Variants in NFIB observed in about 807,000 individuals in gnomAD.
NFIB encodes the protein nuclear factor 1 B-type.
NFIB carries 11 observed loss-of-function variants against 61.5 expected under a neutral mutation model. The observed-to-expected ratio is 0.18, with a 90% CI of 0.11 to 0.30. The LOEUF (loss-of-function observed/expected upper bound fraction) is 0.30. Ranked by LOEUF, NFIB falls within the 10% of genes least tolerant of loss-of-function variation. NFIB has a pLI of 1.00. For synonymous variants in NFIB, 260 were observed against 216.5 expected (o/e 1.20, Z -1.76); for missense variants, 471 against 608.9 (o/e 0.77, Z 2.38).
the NFIB span, among the ~76,000 whole-genome samples, chr9:14,472,243 G>A: frequency 6.6e-6 from 1 of 152,184 alleles, no homozygotes; most frequent in Non-Finnish European, 1.5e-5. Context: ...GTTGCTGTGT[G>A]TGCTGAAATA....
At chr9:14,184,726 T>C (rs1431587095) in intron 2 of NFIB, among the ~76,000 whole-genome samples, 2 of 152,106 alleles carry the variant, frequency 1.3e-5, no homozygotes, top group African/African-American at 4.8e-5. Context: ...TAAACATCAT[T>C]TAAATGTAAA....
At chr9:14,348,943 G>T (rs2061070057) in intron 1 of NFIB, among the ~76,000 whole-genome samples, 1 of 151,986 alleles carries the variant, frequency 6.6e-6, no homozygotes, top group Non-Finnish European at 1.5e-5. Flanking sequence ...CTGGGCTCCC[G>T]CCCCCACCTT....
chr9:14,149,853 T>C (rs73411942), intron 5 of NFIB, among the ~76,000 whole-genome samples: 7,645 of 152,210 alleles, frequency 0.05, 655 homozygotes, highest in African/African-American at 0.17. Flanking sequence ...TCAAAAGATT[T>C]TGTTAACTTG....
At chr9:14,430,119 G>A in the NFIB span, among the ~76,000 whole-genome samples, 4 of 152,318 alleles carry the variant, frequency 2.6e-5, no homozygotes, top group African/African-American at 9.6e-5. Context: ...CTATACTGGA[G>A]GGAGCAAGCA....
intron 2 of NFIB, among the ~76,000 whole-genome samples, chr9:14,218,134 G>A (rs556419163): frequency 6.6e-6 from 1 of 152,244 alleles, no homozygotes; most frequent in East Asian, 1.9e-4. Flanking sequence ...TGAGCTGAGA[G>A]CTCCAAGGTG....
intron 2 of NFIB, among the ~76,000 whole-genome samples, chr9:14,255,224 A>C (rs1008483936): frequency 6.6e-6 from 1 of 152,170 alleles, no homozygotes; most frequent in South Asian, 2.1e-4. Context: ...CCCTGACTCA[A>C]AAAAAGAAAG....
At chr9:14,272,098 G>A (rs1163132638) in intron 2 of NFIB, among the ~76,000 whole-genome samples, 2 of 152,032 alleles carry the variant, frequency 1.3e-5, no homozygotes, top group Non-Finnish European at 2.9e-5. Context: ...AGTATATCTC[G>A]TGATCAGTAA....
intron 2 of NFIB, among the ~76,000 whole-genome samples, chr9:14,247,058 A>G (rs2055018615): frequency 6.6e-6 from 1 of 152,084 alleles, no homozygotes; most frequent in Non-Finnish European, 1.5e-5. Flanking sequence ...GCAAACCACG[A>G]AGAGAGCCCT....
chr9:14,370,317 G>A (rs2061345102), intron 1 of NFIB, among the ~76,000 whole-genome samples: 3 of 152,116 alleles, frequency 2.0e-5, no homozygotes, highest in Admixed American at 1.3e-4. Flanking sequence ...ATGGTCTATG[G>A]AGCCATAAGG....
At chr9:14,271,607 G>T (rs540797715) in intron 2 of NFIB, among the ~76,000 whole-genome samples, 2 of 152,244 alleles carry the variant, frequency 1.3e-5, no homozygotes, top group East Asian at 1.9e-4. Flanking sequence ...ACCTTTCAGA[G>T]ACTGGAAATA....
intron 9 of NFIB, among the ~76,000 whole-genome samples, chr9:14,113,558 A>G (rs1419332534): frequency 2.0e-5 from 3 of 152,242 alleles, no homozygotes; most frequent in Non-Finnish European, 4.4e-5. Context: ...TATGGGATGG[A>G]AAATGTCTTT....
the NFIB span, among the ~76,000 whole-genome samples, chr9:14,411,277 C>T: frequency 5.3e-5 from 8 of 152,182 alleles, no homozygotes; most frequent in African/African-American, 1.4e-4. Context: ...CTTTTACTGA[C>T]GTTGAATTTG....
At chr9:14,387,682 T>A (rs530501073) in intron 1 of NFIB, among the ~76,000 whole-genome samples, 1 of 152,142 alleles carries the variant, frequency 6.6e-6, no homozygotes, top group Non-Finnish European at 1.5e-5. Context: ...CAGCAAAAAA[T>A]TTTCCAGTCT....
chr9:14,295,820 C>A (rs2059412183), intron 2 of NFIB, among the ~76,000 whole-genome samples: 1 of 152,124 alleles, frequency 6.6e-6, no homozygotes, highest in African/African-American at 2.4e-5. Context: ...TGATAGGACA[C>A]CCTTTACCCA....
intron 2 of NFIB, among the ~76,000 whole-genome samples, chr9:14,230,084 C>T (rs878858284): frequency 2.0e-5 from 3 of 152,182 alleles, no homozygotes; most frequent in Admixed American, 6.5e-5. Flanking sequence ...AGATTACAGG[C>T]GTGAGCCACT....
chr9:14,163,634 A>C (rs1272606877), intron 3 of NFIB, among the ~76,000 whole-genome samples: 1 of 152,096 alleles, frequency 6.6e-6, no homozygotes, highest in Non-Finnish European at 1.5e-5. Flanking sequence ...CTATTAAAAT[A>C]CAAGAAACTT....
chr9:14,458,451 T>G, the NFIB span, among the ~76,000 whole-genome samples: 3 of 152,174 alleles, frequency 2.0e-5, no homozygotes, highest in Admixed American at 1.3e-4. Flanking sequence ...CTTTGAAAAC[T>G]GGCACAAGAC....
At chr9:14,237,842 A>AGTGTGTGTGTGTGT (rs200054648) in intron 2 of NFIB, among the ~76,000 whole-genome samples, 631 of 52,532 alleles carry the variant, frequency 0.012, 79 homozygotes, top group Middle Eastern at 0.028. Context: ...TAGGTATAAC[A>AGTGTGTGTGTGTGT]GTGTGTGTGT....
At chr9:14,383,766 C>A (rs2061517214) in intron 1 of NFIB, among the ~76,000 whole-genome samples, 1 of 152,226 alleles carries the variant, frequency 6.6e-6, no homozygotes, top group Non-Finnish European at 1.5e-5. Context: ...ATCATCTCTT[C>A]TCTGGCCACC....
Sources: gnomAD v4.1 joint callset for allele counts (sites outside exome capture counted in the v4.1 genomes callset) on GRCh38, gnomAD v4.1.1 for gene constraint, MANE v1.5 for transcripts, NCBI Gene and HGNC (gene_info 2026-07-23, HGNC 2026-07-21) for gene names.